Variants in ZBTB16 observed in about 807,000 individuals in gnomAD.
ZBTB16 encodes zinc finger and BTB domain containing 16, also known as zinc finger and BTB domain-containing protein 16.
A neutral mutation model predicts 56.8 loss-of-function variants in ZBTB16; 8 were observed. The ratio of observed to expected loss-of-function variants is 0.14; its 90% confidence interval spans 0.08 to 0.25. The LOEUF (loss-of-function observed/expected upper bound fraction) is 0.25, where lower values mean the gene tolerates loss of function less well. ZBTB16 is among the 10% of genes least tolerant of loss of function. The pLI, the probability that ZBTB16 is intolerant of heterozygous loss-of-function variation, is 1.00. For missense variants in ZBTB16, 625 were observed against 903.0 expected, an observed-to-expected ratio of 0.69 and a Z score of 3.95; for synonymous variants, 363 against 368.5, an observed-to-expected ratio of 0.98 and a Z score of 0.17.
At chr11:114,123,079 G>A (rs1439717670) in intron 2 of ZBTB16, among the ~76,000 whole-genome samples, 1 of 152,160 alleles carries the variant, frequency 6.6e-6, no homozygotes, top group East Asian at 1.9e-4. Context: ...GAGACAGTGA[G>A]CTGGTGTCTC....
intron 2 of ZBTB16, among the ~76,000 whole-genome samples, chr11:114,090,243 C>T (rs930103367): frequency 5.9e-5 from 9 of 152,302 alleles, no homozygotes; most frequent in South Asian, 2.1e-4. Context: ...CCTCAGCTAA[C>T]GAGGTGCATT....
rs143318539 is a variant in ZBTB16, at chr11:114,226,532, C to T, written c.1454-15635C>T. ...GGGGAGGTACCTAAGAAACAAAACC[C>T]ACATGGGAGGAGAGAACCCCAAACC... On this transcript the variant is annotated intron_variant, in intron 4 of 6. Coordinates refer to ENST00000335953, the MANE Select transcript of ZBTB16 (RefSeq NM_006006.6). 5.4e-3 allele frequency among the ~76,000 whole-genome samples: 819 copies of T among 152,314 alleles called. 4 individuals are homozygous for T. The highest frequency in any genetic ancestry group is 8.7e-3 in the Non-Finnish European group (591 of 68,018).
rs545238990 is a variant in ZBTB16 at position 114,163,568 on chromosome 11, G to A, written c.1366+7134G>A. 1.6e-4 allele frequency among the ~76,000 whole-genome samples: 24 copies of A among 152,066 alleles called. 1 individual carries two copies. Among genetic ancestry groups the A allele is most frequent in the African/African-American group, 4.3e-4 (18 of 41,480 alleles). ...GCGGTTTTGCGTGCCTGGGTCCCCC[G>A]GTCCTAGTCAGGCCAGCTGAACCGA... is the stretch of plus-strand genomic sequence containing the variant. On this transcript the variant is annotated intron_variant, in intron 3 of 6. Coordinates refer to ENST00000335953, the MANE Select transcript of ZBTB16 (RefSeq NM_006006.6).
intron 4 of ZBTB16, among the ~76,000 whole-genome samples, chr11:114,224,170 G>A (rs1293122550): frequency 6.6e-6 from 1 of 152,196 alleles, no homozygotes; most frequent in Non-Finnish European, 1.5e-5. Flanking sequence ...TGAAGGCAGG[G>A]AGATTGGGAT....
intron 2 of ZBTB16, among the ~76,000 whole-genome samples, chr11:114,124,015 T>G (rs1319811717): frequency 6.6e-6 from 1 of 152,142 alleles, no homozygotes; most frequent in Non-Finnish European, 1.5e-5. Context: ...TCAAAACATA[T>G]GAATAATTTC....
chr11:114,144,141 C>T (rs1285104627), intron 2 of ZBTB16, among the ~76,000 whole-genome samples: 4 of 151,920 alleles, frequency 2.6e-5, no homozygotes, highest in Admixed American at 6.6e-5. Flanking sequence ...CACAAACATG[C>T]ACACAATCCC....
At chr11:114,087,989 C>T (rs1333233281) in intron 2 of ZBTB16, among the ~76,000 whole-genome samples, 2 of 152,172 alleles carry the variant, frequency 1.3e-5, no homozygotes, top group Non-Finnish European at 2.9e-5. Flanking sequence ...GTCATCGCAA[C>T]AGGGCCAAAT....
intron 4 of ZBTB16, among the ~76,000 whole-genome samples, chr11:114,230,631 T>TGGGG (rs35466609): frequency 3.8e-4 from 39 of 102,422 alleles, no homozygotes; most frequent in Non-Finnish European, 5.0e-4. Flanking sequence ...TCATCTTCTG[T>TGGGG]GGGGGGGGGG....
At chr11:114,108,478 C>G (rs1050699614) in intron 2 of ZBTB16, among the ~76,000 whole-genome samples, 3 of 152,198 alleles carry the variant, frequency 2.0e-5, no homozygotes, top group Admixed American at 6.5e-5. Flanking sequence ...AGTAATTGCT[C>G]TCTGTCTTCT....
At chr11:114,161,622 G>A (rs981238137) in intron 3 of ZBTB16, among the ~76,000 whole-genome samples, 14 of 152,190 alleles carry the variant, frequency 9.2e-5, no homozygotes, top group African/African-American at 3.4e-4. Flanking sequence ...GGAAGTGGGT[G>A]GTGTAACCTG....
intron 4 of ZBTB16, among the ~76,000 whole-genome samples, chr11:114,228,733 T>A (rs1428606347): frequency 6.6e-6 from 1 of 152,232 alleles, no homozygotes; most frequent in Non-Finnish European, 1.5e-5. Flanking sequence ...GCCGCCAGCC[T>A]GCTGTCTGAG....
intron 2 of ZBTB16, among the ~76,000 whole-genome samples, chr11:114,065,294 C>T (rs919581003): frequency 6.6e-6 from 1 of 152,228 alleles, no homozygotes; most frequent in African/African-American, 2.4e-5. Flanking sequence ...GGCTTCCCTC[C>T]GGCTTCCGTT....
chr11:114,240,125 T>A (rs3781987), intron 4 of ZBTB16, among the ~76,000 whole-genome samples: 33,946 of 152,114 alleles, frequency 0.22, 5,080 homozygotes, highest in African/African-American at 0.41. Flanking sequence ...CTGCTCAGCC[T>A]TCCTGACTGC....
chr11:114,212,917 G>A (rs139475864), intron 4 of ZBTB16, among the ~76,000 whole-genome samples: 490 of 152,092 alleles, frequency 3.2e-3, no homozygotes, highest in Non-Finnish European at 5.5e-3. Context: ...CTGCTTGGTA[G>A]AAAATGCCGG....
intron 2 of ZBTB16, among the ~76,000 whole-genome samples, chr11:114,111,467 A>G (rs892427341): frequency 6.6e-6 from 1 of 152,166 alleles, no homozygotes; most frequent in African/African-American, 2.4e-5. Flanking sequence ...GCTGCGAACC[A>G]CAAGACGGTC....
intron 2 of ZBTB16, among the ~76,000 whole-genome samples, chr11:114,114,824 G>GT (rs1941122410): frequency 6.6e-6 from 1 of 151,934 alleles, no homozygotes. Context: ...GGACTGCAAG[G>GT]TGTGCACTAC....
intron 4 of ZBTB16, among the ~76,000 whole-genome samples, chr11:114,191,657 G>A (rs1399559822): frequency 6.6e-6 from 1 of 152,208 alleles, no homozygotes; most frequent in African/African-American, 2.4e-5. Flanking sequence ...TCACTGCCTT[G>A]TCATGGGCAG....
intron 3 of ZBTB16, among the ~76,000 whole-genome samples, chr11:114,166,231 TG>T (rs1942753260): frequency 6.6e-6 from 1 of 151,474 alleles, no homozygotes; most frequent in Non-Finnish European, 1.5e-5. Context: ...TGTGTGTGTG[TG>T]TGTGTGTGTG....
rs187235871 is a variant in ZBTB16 at position 114,245,294 on chromosome 11, C to T, written c.1625-1904C>T. On this transcript the variant is annotated intron_variant, in intron 5 of 6. Transcript: ENST00000335953. Reference sequence around the variant, plus strand: ...GATCTGCAGGTGAGGGACTCGCTGGCCGAGCCTCTGAGCCAGTGCAACACC... The same window carrying T: ...GATCTGCAGGTGAGGGACTCGCTGGTCGAGCCTCTGAGCCAGTGCAACACC... 6.9e-4 allele frequency among the ~76,000 whole-genome samples: 105 copies of T among 152,348 alleles called. 1 individual carries two copies. Among genetic ancestry groups the T allele is most frequent in the African/African-American group, 2.3e-3 (94 of 41,580 alleles).
Sources: allele counts gnomAD v4.1 joint callset (sites outside exome capture counted in the v4.1 genomes callset), GRCh38; gene constraint gnomAD v4.1.1; transcripts MANE v1.5; gene names NCBI Gene and HGNC (gene_info 2026-07-23, HGNC 2026-07-21).